The following TACC2 variants were observed in gnomAD, a reference collection of about 807,000 sequenced individuals.
TACC2 encodes the protein transforming acidic coiled-coil containing protein 2, also known as transforming acidic coiled-coil-containing protein 2.
In TACC2, 137 loss-of-function variants were observed where a neutral mutation model predicts 227.3. That is an observed-to-expected ratio of 0.60 (90% CI 0.52 to 0.69). The LOEUF (loss-of-function observed/expected upper bound fraction) is 0.69. Ranked by LOEUF, TACC2 falls within the 30% of genes least tolerant of loss-of-function variation. TACC2 has a pLI of 0.00. For synonymous variants in TACC2, 1,523 were observed against 1,487.5 expected (o/e 1.02, Z -0.55); for missense variants, 3,470 against 3,694.4 (o/e 0.94, Z 1.57).
At chr10:122,143,507 G>A in intron 6 of TACC2, 65 bp from the exon 7 acceptor site, 2 of 1,564,320 alleles carry the variant, frequency 1.3e-6, no homozygotes, top group African/African-American at 1.3e-5. Flanking sequence ...GGTGAATGGG[G>A]CCTGATGAAT....
chr10:122,086,632 G>T lies in TACC2; in HGVS notation c.4132G>T (p.Gly1378Ter). ...GETEGSMERM[G>*]EPSQDPKQGT... ...GACAGAGGGCAGCATGGAGAGGATG[G>T]GAGAGCCTTCCCAGGACCCAAAGCA... Residue 1378 changes from glycine (G) to a stop codon, truncating the protein, a stop_gained, in exon 4 of 23, where the codon GGA (glycine) becomes TGA (stop). Transcript: ENST00000369005. LOFTEE classifies it high-confidence loss of function. 6.2e-7 allele frequency: 1 copy of T among 1,602,680 alleles called. No individual in the cohort carries two copies. Among genetic ancestry groups the T allele is most frequent in the Non-Finnish European group, 8.5e-7 (1 of 1,174,208 alleles).
At chr10:122,017,845 G>GAAAAGA (rs1211181772) in intron 1 of TACC2, among the ~76,000 whole-genome samples, 3 of 126,496 alleles carry the variant, frequency 2.4e-5, no homozygotes, top group Admixed American at 7.9e-5. Flanking sequence ...AAAAGACAAA[G>GAAAAGA]AAAAGAAAAA....
rs1159256265 is a variant in TACC2, at chr10:122,083,103, G to T, written c.603G>T (p.Ser201=). The stretch of plus-strand genomic sequence containing the variant: ...GCATCGACCAGTCACCTGGAATGTC[G>T]CCAGTACCCCTCAGAGAGCCAATGA... The part of the protein sequence containing the change: ...SSGIDQSPGM[S]PVPLREPMKA... Residue 201 remains serine (S), a synonymous_variant, in exon 4 of 23, where the codon TCG becomes TCT. Transcript: ENST00000369005. The T allele has an allele frequency of 1.2e-6, 2 of 1,612,918 alleles. No homozygotes were observed. Among genetic ancestry groups the T allele is most frequent in the African/African-American group, 1.3e-5 (1 of 75,018 alleles).
chr10:122,085,491 G>A lies in TACC2; in HGVS notation c.2991G>A (p.Leu997=), dbSNP rs1361997969. Residue 997 remains leucine, a synonymous_variant, in exon 4 of 23, where the codon TTG becomes TTA. Coordinates refer to ENST00000369005, the MANE Select transcript of TACC2 (RefSeq NM_206862.4). ...GGCCAAACAAGTCTCAACAGGCATTGGCTGATGCCTTGGAAGAAGGCAGCC... is the reference window on the plus strand; with the variant it reads ...GGCCAAACAAGTCTCAACAGGCATTAGCTGATGCCTTGGAAGAAGGCAGCC... ...GQGPNKSQQA[L]ADALEEGSQH... The A allele has an allele frequency of 1.2e-6, 2 of 1,613,544 alleles. No individual in the cohort carries two copies. Among genetic ancestry groups the A allele is most frequent in the African/African-American group, 1.3e-5 (1 of 74,948 alleles).
intron 3 of TACC2, among the ~76,000 whole-genome samples, chr10:122,074,168 C>T (rs1166127871): frequency 6.7e-6 from 1 of 150,106 alleles, no homozygotes; most frequent in Non-Finnish European, 1.5e-5. Context: ...GCAACCTCTG[C>T]CTCCCAAGTT....
At chr10:122,229,301 TCTC>T (rs764355002) in intron 14 of TACC2, 42 bp from the exon 15 acceptor site, 19 of 1,610,738 alleles carry the variant, frequency 1.2e-5, no homozygotes, top group Non-Finnish European at 1.3e-5. Context: ...CACTCTCTGT[TCTC>T]CTCTATTTTT....
intron 1 of TACC2, among the ~76,000 whole-genome samples, chr10:121,993,756 T>C (rs1484703339): frequency 1.3e-5 from 2 of 152,078 alleles, no homozygotes; most frequent in African/African-American, 4.8e-5. Flanking sequence ...ATCCCAAGTA[T>C]GTGGGACTAC....
chr10:122,015,060 G>A (rs1470924584), intron 1 of TACC2, among the ~76,000 whole-genome samples: 1 of 111,390 alleles, frequency 9.0e-6, no homozygotes, highest in Non-Finnish European at 1.9e-5. Context: ...GTGGACTTTG[G>A]CCAAACCACT....
At chr10:122,244,496 C>T (rs1345108878) in intron 19 of TACC2, among the ~76,000 whole-genome samples, 1 of 152,166 alleles carries the variant, frequency 6.6e-6, no homozygotes, top group East Asian at 1.9e-4. Context: ...ATTTCAAGGT[C>T]CTTGTGTCCT....
chr10:122,042,296 T>G (rs965825818), intron 2 of TACC2, among the ~76,000 whole-genome samples: 3 of 150,544 alleles, frequency 2.0e-5, no homozygotes, highest in East Asian at 3.9e-4. Flanking sequence ...AGGCTGGAGT[T>G]CAGTGGCACA....
rs1592487403 is a variant in TACC2 at position 122,138,736 on chromosome 10, T to G, written c.5700-4836T>G. On this transcript the variant is annotated intron_variant, in intron 6 of 22. Coordinates refer to ENST00000369005, the MANE Select transcript of TACC2 (RefSeq NM_206862.4). ...AGAGCCTTTGAGTTTCCATTGTCTG[T>G]CTGGCTGCTGTTGGGGTTGAACCAC... is the stretch of plus-strand genomic sequence containing the variant. 2.0e-5 allele frequency among the ~76,000 whole-genome samples: 3 copies of G among 152,312 alleles called. No individual in the cohort carries two copies. In the South Asian group the frequency reaches 6.2e-4, roughly 32 times the overall value.
At chr10:122,162,848 GC>G in intron 7 of TACC2, among the ~76,000 whole-genome samples, 1 of 152,250 alleles carries the variant, frequency 6.6e-6, no homozygotes, top group South Asian at 2.1e-4. Context: ...AACTGCCTTT[GC>G]CCTGTACACG....
At chr10:122,096,494 C>G (rs185305969) in intron 5 of TACC2, among the ~76,000 whole-genome samples, 2 of 152,184 alleles carry the variant, frequency 1.3e-5, no homozygotes, top group East Asian at 3.9e-4. Context: ...GTCAGGAGCT[C>G]AAGACCAGCC....
In TACC2 at chr10:122,084,148, A is replaced by G. The variant is rs1426922926; in HGVS notation, c.1648A>G (p.Thr550Ala). Residue 550 changes from threonine (T) to alanine (A), a missense_variant, in exon 4 of 23, where the codon ACG (threonine) becomes GCG (alanine). By Grantham distance (58) the Thr-to-Ala change is moderately conservative (BLOSUM62 0). Around this residue, in one of 10 missense-constraint regions of TACC2, gnomAD observed 1,924 missense variants for 1,978.3 expected, o/e 0.97. Coordinates refer to ENST00000369005, the MANE Select transcript of TACC2 (RefSeq NM_206862.4). ...SESARGPPGPTDGAKVHEDST... is the reference protein window; with the variant it reads ...SESARGPPGPADGAKVHEDST... ...AAGTGCCAGAGGGCCACCGGGGCCA[A>G]CGGATGGAGCCAAGGTCCATGAAGA... 5 of 1,613,982 alleles carry G rather than the reference A, an allele frequency of 3.1e-6. No homozygotes were observed. The African/African-American group carries it at 5.3e-5, about 17-fold the overall frequency.
intron 6 of TACC2, among the ~76,000 whole-genome samples, chr10:122,140,285 A>G (rs778752632): frequency 7.2e-5 from 11 of 152,372 alleles, no homozygotes; most frequent in South Asian, 2.1e-4. Flanking sequence ...GCCTTGATCA[A>G]TAAGTCATGG....
At position 122,083,785 on chromosome 10, in the gene TACC2, C is replaced by G; in HGVS notation, c.1285C>G (p.Gln429Glu). The change falls in exon 4 of 23, where the codon CAG (glutamine) becomes GAG (glutamate). Residue 429 changes from glutamine to glutamate, a missense_variant. Gln to Glu is a conservative substitution (Grantham distance 29, BLOSUM62 2). Coordinates refer to ENST00000369005, the MANE Select transcript of TACC2 (RefSeq NM_206862.4). ...ASSLASFPAA[Q>E]IPIAVEEPGS... ...AAGCCTCGCTTCATTCCCAGCTGCT[C>G]AGATTCCTATTGCTGTAGAAGAACC... 1 of 1,614,180 alleles carries G rather than the reference C, an allele frequency of 6.2e-7. No homozygotes were observed. Among genetic ancestry groups the G allele is most frequent in the Non-Finnish European group, 8.5e-7 (1 of 1,180,036 alleles).
rs2095085729 is a variant in TACC2 at position 122,205,834 on chromosome 10, C to T, written c.5972-4563C>T. ...CTTGCTCTGAGCTACCCACAGCAAC[C>T]AGCAAACTGCCACAGAAAGACCAAG... On this transcript the variant is annotated intron_variant, in intron 8 of 22. Coordinates refer to ENST00000369005, the MANE Select transcript of TACC2 (RefSeq NM_206862.4). This position sits in a 1 kb window ranked among gnomAD's most constrained non-coding sequence, Gnocchi z 4.5. Among the ~76,000 whole-genome samples, 1 of 152,210 alleles carries T rather than the reference C, an allele frequency of 6.6e-6. No individual in the cohort carries two copies. The highest frequency in any genetic ancestry group is 1.5e-5 in the Non-Finnish European group (1 of 68,040).
intron 5 of TACC2, among the ~76,000 whole-genome samples, chr10:122,109,718 G>A (rs187302987): frequency 1.1e-3 from 166 of 152,328 alleles, no homozygotes; most frequent in East Asian, 1.7e-3. Flanking sequence ...GAGGGAAAGT[G>A]GGATTGTGGA....
chr10:122,211,988 C>A (rs1735150867), intron 9 of TACC2, among the ~76,000 whole-genome samples: 3 of 152,174 alleles, frequency 2.0e-5, no homozygotes, highest in African/African-American at 7.2e-5. Flanking sequence ...AGCCAAAGAC[C>A]TAATGTTCAA....
Sources: gnomAD v4.1 joint callset for allele counts (sites outside exome capture counted in the v4.1 genomes callset) on GRCh38, gnomAD v4.1.1 for gene constraint, gnomAD v4.1.1 regional missense constraint, Gnocchi (gnomAD v3.1) non-coding constraint, MANE v1.5 for transcripts, NCBI Gene and HGNC (gene_info 2026-07-23, HGNC 2026-07-21) for gene names.